Variants in BCAS3 observed in about 807,000 individuals in gnomAD.
BCAS3 encodes the protein BCAS3 microtubule associated cell migration factor.
Under a neutral mutation model 116.1 loss-of-function variants are expected in BCAS3, and 53 were observed. That is an observed-to-expected ratio of 0.46 (90% CI 0.37 to 0.57). The LOEUF is 0.57. BCAS3 is among the 20% of genes least tolerant of loss of function. The pLI, the probability that BCAS3 is intolerant of heterozygous loss-of-function variation, is 0.00. For missense variants in BCAS3, 917 were observed against 1,165.4 expected (o/e 0.79, Z 3.10); for synonymous variants, 391 against 408.2 (o/e 0.96, Z 0.51).
chr17:60,935,829 C>T (rs540933270), intron 13 of BCAS3, among the ~76,000 whole-genome samples: 6 of 151,764 alleles, frequency 4.0e-5, no homozygotes, highest in African/African-American at 1.2e-4. Context: ...GTTCTTTGAG[C>T]ACCCATTTAG....
At position 61,347,940 on chromosome 17, in the gene BCAS3, A is replaced by C. The variant is rs1430044036; in HGVS notation, c.2426-20387A>C. On this transcript the variant is annotated intron_variant, in intron 22 of 23. Transcript: ENST00000407086. This position sits in a 1 kb window ranked among gnomAD's most constrained non-coding sequence, Gnocchi z 4.3. Reference sequence around the variant, plus strand: ...AGCTGCTAGAGGCCAGATGATAGACAGTTGTGCTAAGAAGATTGGGCTTAA... The same window carrying C: ...AGCTGCTAGAGGCCAGATGATAGACCGTTGTGCTAAGAAGATTGGGCTTAA... 1.3e-5 allele frequency among the ~76,000 whole-genome samples: 2 copies of C among 152,228 alleles called. No homozygotes were observed. The highest frequency in any genetic ancestry group is 2.9e-5 in the Non-Finnish European group (2 of 68,042).
At position 61,387,724 on chromosome 17, in the gene BCAS3, C is replaced by T. The variant is rs2059928123; in HGVS notation, c.2594-4253C>T. 6.6e-6 allele frequency among the ~76,000 whole-genome samples: 1 copy of T among 152,182 alleles called. No individual in the cohort carries two copies. The highest frequency in any genetic ancestry group is 1.5e-5 in the Non-Finnish European group (1 of 68,032). ...GGGGCCGGTCTTAGTGATGCCGGAGCTGCCAGCACCCTGTGGCCCGCACCA... is the reference window on the plus strand; with the variant it reads ...GGGGCCGGTCTTAGTGATGCCGGAGTTGCCAGCACCCTGTGGCCCGCACCA... On this transcript the variant is annotated intron_variant, in intron 23 of 23. Transcript: ENST00000407086. This position sits in a 1 kb window ranked among gnomAD's most constrained non-coding sequence, Gnocchi z 6.2.
intron 22 of BCAS3, among the ~76,000 whole-genome samples, chr17:61,342,867 A>C (rs1439220018): frequency 1.3e-5 from 2 of 150,936 alleles, no homozygotes; most frequent in Admixed American, 1.3e-4. Context: ...CTTCTGCCTC[A>C]GCCTCCGAAC....
rs1208425778 is a variant in BCAS3 at position 61,251,609 on chromosome 17, C to T, written c.2426-116718C>T. 2.0e-5 allele frequency among the ~76,000 whole-genome samples: 3 copies of T among 151,844 alleles called. No individual in the cohort carries two copies. The highest frequency in any genetic ancestry group is 7.2e-5 in the African/African-American group (3 of 41,436). The stretch of plus-strand genomic sequence containing the variant: ...AGAAAAGAAAGACTGGATCCTGGTC[C>T]ATCCAAGATGCTGCCCTTGAGACCT... On this transcript the variant is annotated intron_variant, in intron 22 of 23. Transcript: ENST00000407086. The surrounding 1 kb of genome is among the most constrained non-coding windows in gnomAD (Gnocchi z 4.7).
At chr17:60,907,083 T>C (rs2058228604) in intron 11 of BCAS3, among the ~76,000 whole-genome samples, 1 of 152,182 alleles carries the variant, frequency 6.6e-6, no homozygotes, top group African/African-American at 2.4e-5. Context: ...GCATATGTAC[T>C]TGGAGCTCCT....
In BCAS3 at chr17:61,349,869, C is replaced by A. The variant is rs908157404; in HGVS notation, c.2426-18458C>A. Among the ~76,000 whole-genome samples the A allele has an allele frequency of 1.3e-5, 2 of 152,226 alleles. No individual in the cohort carries two copies. Among genetic ancestry groups the A allele is most frequent in the Non-Finnish European group, 2.9e-5 (2 of 68,046 alleles). ...TCTACCAAAGGTATTAGCATAGAAG[C>A]AGTTCAGAAGGCCAGTGCCCTTTGT... On this transcript the variant is annotated intron_variant, in intron 22 of 23. Coordinates refer to ENST00000407086, the MANE Select transcript of BCAS3 (RefSeq NM_017679.5). This position sits in a 1 kb window ranked among gnomAD's most constrained non-coding sequence, Gnocchi z 4.7.
intron 14 of BCAS3, among the ~76,000 whole-genome samples, chr17:60,973,052 A>G (rs1340650682): frequency 6.6e-6 from 1 of 152,298 alleles, no homozygotes; most frequent in Non-Finnish European, 1.5e-5. Flanking sequence ...ACTTTTGGCC[A>G]TAGAAAGAAA....
chr17:61,137,918 T>C (rs1029356442), intron 22 of BCAS3, among the ~76,000 whole-genome samples: 1 of 152,234 alleles, frequency 6.6e-6, no homozygotes, highest in East Asian at 1.9e-4. Context: ...CACTGTTTTC[T>C]TCCATATCTT....
chr17:60,752,330 A>G (rs1169969272), intron 6 of BCAS3, among the ~76,000 whole-genome samples: 1 of 151,958 alleles, frequency 6.6e-6, no homozygotes. Context: ...TTATGTTGTT[A>G]TATACTTCCG....
intron 4 of BCAS3, among the ~76,000 whole-genome samples, chr17:60,705,512 CAAAA>C (rs1033436210): frequency 1.9e-4 from 12 of 61,862 alleles, no homozygotes; most frequent in African/African-American, 2.4e-4. Context: ...AGACTTGTCT[CAAAA>C]AAAAAAAAAA....
intron 9 of BCAS3, among the ~76,000 whole-genome samples, chr17:60,876,368 AT>A (rs2144923446): frequency 6.6e-6 from 1 of 152,040 alleles, no homozygotes; most frequent in Non-Finnish European, 1.5e-5. Context: ...CTTTTCACTA[AT>A]ACCCCTTCTC....
intron 22 of BCAS3, among the ~76,000 whole-genome samples, chr17:61,358,701 G>A (rs149811733): frequency 7.9e-5 from 12 of 151,902 alleles, no homozygotes; most frequent in Admixed American, 7.9e-4. Flanking sequence ...TTCCCATGTT[G>A]GCCAGGCTGG....
At chr17:60,747,142 A>G (rs1308352894) in intron 5 of BCAS3, 56 bp from the exon 6 acceptor site, 4 of 1,214,904 alleles carry the variant, frequency 3.3e-6, no homozygotes, top group Non-Finnish European at 4.8e-6. Context: ...TTTTTATATA[A>G]TACTGTTGTG....
At chr17:61,076,259 T>A (rs991454615) in intron 20 of BCAS3, among the ~76,000 whole-genome samples, 4 of 152,234 alleles carry the variant, frequency 2.6e-5, no homozygotes, top group Non-Finnish European at 5.9e-5. Flanking sequence ...ATCTGACAGC[T>A]TTTCATCGGA....
chr17:60,792,946 C>G (rs963346676), intron 6 of BCAS3, among the ~76,000 whole-genome samples: 1 of 151,872 alleles, frequency 6.6e-6, no homozygotes, highest in African/African-American at 2.4e-5. Context: ...CCTCTGCCAC[C>G]CTAGTGTGAC....
rs760831548 is a variant in BCAS3, at chr17:60,838,842, T to A, written c.477-29734T>A. On this transcript the variant is annotated intron_variant, in intron 7 of 23. Transcript: ENST00000407086. ...TTATTACAGACAGGGTTTCATTATG[T>A]TGCTCAGGCTGAAGTGCAGTGGCTA... 3.1e-4 allele frequency among the ~76,000 whole-genome samples: 47 copies of A among 152,180 alleles called. 1 individual carries two copies. The highest frequency in any genetic ancestry group is 9.2e-4 in the Admixed American group (14 of 15,280).
At chr17:60,840,184 G>T (rs2051768478) in intron 7 of BCAS3, among the ~76,000 whole-genome samples, 1 of 152,038 alleles carries the variant, frequency 6.6e-6, no homozygotes, top group Non-Finnish European at 1.5e-5. Context: ...AAATATTTTT[G>T]TTAGGGATTT....
Position 61,021,495 on chromosome 17 carries a change from G to A in BCAS3, c.1637+5594G>A, listed in dbSNP as rs1016857757. On this transcript the variant is annotated intron_variant, in intron 16 of 23. Coordinates refer to ENST00000407086, the MANE Select transcript of BCAS3 (RefSeq NM_017679.5). This position sits in a 1 kb window ranked among gnomAD's most constrained non-coding sequence, Gnocchi z 4.6. ...GAGGCCCTGGCTTCTTCTCATCTGG[G>A]TTCTGCACCTATTTGCCAGTGTGTC... Among the ~76,000 whole-genome samples, 1 of 151,924 alleles carries A rather than the reference G, an allele frequency of 6.6e-6. No homozygotes were observed. Among genetic ancestry groups the A allele is most frequent in the South Asian group, 2.1e-4 (1 of 4,806 alleles).
intron 6 of BCAS3, among the ~76,000 whole-genome samples, chr17:60,780,306 T>A (rs538540408): frequency 2.6e-4 from 39 of 149,040 alleles, no homozygotes; most frequent in African/African-American, 8.3e-4. Flanking sequence ...TTTTTTTTTT[T>A]AATTTTTTGA....
Sources: gnomAD v4.1 joint callset for allele counts (sites outside exome capture counted in the v4.1 genomes callset) on GRCh38, gnomAD v4.1.1 for gene constraint, Gnocchi (gnomAD v3.1) non-coding constraint, MANE v1.5 for transcripts, NCBI Gene and HGNC (gene_info 2026-07-23, HGNC 2026-07-21) for gene names.